Variants in PMFBP1 observed in about 807,000 individuals in gnomAD.
The protein encoded by PMFBP1 is polyamine-modulated factor 1-binding protein 1.
A neutral mutation model predicts 137.8 loss-of-function variants in PMFBP1; 131 were observed. The observed-to-expected ratio is 0.95, with a 90% confidence interval of 0.82 to 1.10. The LOEUF is 1.10. Ranked by LOEUF, PMFBP1 falls within the 50% of genes least tolerant of loss-of-function variation. The pLI is 0.00. For synonymous variants in PMFBP1, 490 were observed against 450.4 expected (o/e 1.09, Z -1.11); for missense variants, 1,199 against 1,175.4 (o/e 1.02, Z -0.29).
At chr16:72,234,917 T>C in the PMFBP1 span, among the ~76,000 whole-genome samples, 1 of 152,212 alleles carries the variant, frequency 6.6e-6, no homozygotes, top group Admixed American at 6.5e-5. Context: ...TGAGTCGTAA[T>C]AGTTCTTCAT....
At chr16:72,153,119 C>A (rs563124358) in intron 4 of PMFBP1, among the ~76,000 whole-genome samples, 2 of 152,314 alleles carry the variant, frequency 1.3e-5, no homozygotes, top group East Asian at 1.9e-4. Context: ...AGGCTGGACC[C>A]TTTTGTTTAA....
the PMFBP1 span, among the ~76,000 whole-genome samples, chr16:72,193,480 T>G: frequency 6.6e-6 from 1 of 152,130 alleles, no homozygotes; most frequent in Non-Finnish European, 1.5e-5. Context: ...AGATTTTAGG[T>G]GATTATCATT....
the PMFBP1 span, among the ~76,000 whole-genome samples, chr16:72,238,941 C>T: frequency 6.6e-6 from 1 of 152,050 alleles, no homozygotes; most frequent in South Asian, 2.1e-4. Flanking sequence ...ACAGCCCCTC[C>T]TCTGCCTCCC....
the PMFBP1 span, among the ~76,000 whole-genome samples, chr16:72,182,127 G>A: frequency 3.3e-5 from 5 of 152,186 alleles, no homozygotes; most frequent in African/African-American, 1.2e-4. Context: ...CTTTGTATGA[G>A]CCCGTAATTT....
At chr16:72,146,143 G>A (rs985827640) in intron 5 of PMFBP1, among the ~76,000 whole-genome samples, 16 of 152,136 alleles carry the variant, frequency 1.1e-4, no homozygotes, top group African/African-American at 3.6e-4. Flanking sequence ...CTGGCAAACC[G>A]AATCCAGCAG....
At chr16:72,175,757 A>G (rs897075125), upstream of PMFBP1, among the ~76,000 whole-genome samples, 1 of 152,176 alleles carries the variant, frequency 6.6e-6, no homozygotes, top group Non-Finnish European at 1.5e-5. Flanking sequence ...TTTTTCTCCA[A>G]TGTTCTACCT....
the PMFBP1 span, among the ~76,000 whole-genome samples, chr16:72,229,570 T>C: frequency 6.6e-6 from 1 of 152,306 alleles, no homozygotes; most frequent in South Asian, 2.1e-4. Flanking sequence ...AGATGGTATC[T>C]CACTGTGATT....
chr16:72,200,636 G>A, the PMFBP1 span, among the ~76,000 whole-genome samples: 3 of 152,330 alleles, frequency 2.0e-5, no homozygotes, highest in Non-Finnish European at 1.5e-5. Flanking sequence ...GACAATCTGT[G>A]CTATTATGCT....
chr16:72,213,805 A>T, the PMFBP1 span, among the ~76,000 whole-genome samples: 1,244 of 152,344 alleles, frequency 8.2e-3, 10 homozygotes, highest in Non-Finnish European at 0.013. Context: ...GAGATCAAGG[A>T]TTAGTAGGTA....
the PMFBP1 span, among the ~76,000 whole-genome samples, chr16:72,203,583 A>G: frequency 3.3e-5 from 5 of 152,126 alleles, no homozygotes; most frequent in Non-Finnish European, 7.3e-5. Flanking sequence ...CTCCGGCAGC[A>G]CCATCATGGT....
At chr16:72,125,206 G>A in intron 16 of PMFBP1, 32 bp downstream of exon 16, 1 of 1,601,210 alleles carries the variant, frequency 6.2e-7, no homozygotes, top group Non-Finnish European at 8.5e-7. Context: ...CCCCTACCAG[G>A]AAGGCAGCCC....
the PMFBP1 span, chr16:72,224,437 T>C: frequency 6.6e-6 from 1 of 152,290 alleles, no homozygotes; most frequent in Non-Finnish European, 1.5e-5. Context: ...TTCTCAACGT[T>C]GTCACCTGGA....
At chr16:72,151,724 G>C (rs1475162476) in intron 4 of PMFBP1, among the ~76,000 whole-genome samples, 1 of 152,194 alleles carries the variant, frequency 6.6e-6, no homozygotes, top group African/African-American at 2.4e-5. Context: ...GTAAGGGGAA[G>C]AAGAGAGGAA....
the PMFBP1 span, among the ~76,000 whole-genome samples, chr16:72,245,181 G>C: frequency 6.6e-6 from 1 of 151,518 alleles, no homozygotes; most frequent in Non-Finnish European, 1.5e-5. Context: ...TCATTTTATA[G>C]ACAGAAAACT....
the PMFBP1 span, among the ~76,000 whole-genome samples, chr16:72,239,995 G>GT: frequency 6.6e-6 from 1 of 151,816 alleles, no homozygotes; most frequent in Non-Finnish European, 1.5e-5. Context: ...ATACTCGAGG[G>GT]TTTAGGGGTT....
At chr16:72,206,756 GATT>G in the PMFBP1 span, among the ~76,000 whole-genome samples, 5 of 152,090 alleles carry the variant, frequency 3.3e-5, no homozygotes, top group Non-Finnish European at 5.9e-5. Flanking sequence ...ACGTGCCAAC[GATT>G]ACCGTAGCTA....
At chr16:72,239,248 A>C in the PMFBP1 span, among the ~76,000 whole-genome samples, 1 of 152,218 alleles carries the variant, frequency 6.6e-6, no homozygotes, top group South Asian at 2.1e-4. Context: ...TTTCTTCCTC[A>C]GAAGCAAAAA....
chr16:72,145,979 A>T (rs1358844396), intron 5 of PMFBP1, among the ~76,000 whole-genome samples: 1 of 152,226 alleles, frequency 6.6e-6, no homozygotes, highest in African/African-American at 2.4e-5. Context: ...ATTCCTTCTG[A>T]AACTATTCCA....
chr16:72,198,505 C>G, the PMFBP1 span, among the ~76,000 whole-genome samples: 23 of 152,268 alleles, frequency 1.5e-4, no homozygotes, highest in East Asian at 2.1e-3. Flanking sequence ...CGCACATCCC[C>G]CTGCCCTGGG....
Sources: allele counts gnomAD v4.1 joint callset (sites outside exome capture counted in the v4.1 genomes callset), GRCh38; gene constraint gnomAD v4.1.1; transcripts MANE v1.5; gene names NCBI Gene and HGNC (gene_info 2026-07-23, HGNC 2026-07-21).